Variants in TENM3 observed in about 807,000 individuals in gnomAD.
TENM3 encodes the protein teneurin-3.
In TENM3, 63 loss-of-function variants were observed where a neutral mutation model predicts 255.1. The observed-to-expected ratio is 0.25, with a 90% CI of 0.20 to 0.30. The LOEUF (loss-of-function observed/expected upper bound fraction) is 0.30. Among genes scored for constraint, TENM3 ranks in the 10% least tolerant of loss-of-function variants. The pLI is 1.00. For missense variants in TENM3, 2,929 were observed against 3,461.1 expected, an observed-to-expected ratio of 0.85 and a Z score of 3.86; for synonymous variants, 1,306 against 1,322.3, an observed-to-expected ratio of 0.99 and a Z score of 0.27.
At chr4:182,769,510 G>A (rs1290176799) in intron 22 of TENM3, among the ~76,000 whole-genome samples, 6 of 152,198 alleles carry the variant, frequency 3.9e-5, no homozygotes, top group Admixed American at 6.5e-5. Flanking sequence ...TAGGCCGGGC[G>A]TGGTGGCTCA....
chr4:182,446,863 T>C (rs1050338807), intron 3 of TENM3, among the ~76,000 whole-genome samples: 1 of 152,176 alleles, frequency 6.6e-6, no homozygotes, highest in African/African-American at 2.4e-5. Flanking sequence ...ATGGTGTTTA[T>C]TTGCAGTTAC....
At chr4:182,419,462 C>G (rs1312414812) in intron 3 of TENM3, among the ~76,000 whole-genome samples, 1 of 152,158 alleles carries the variant, frequency 6.6e-6, no homozygotes, top group Admixed American at 6.6e-5. Flanking sequence ...GTCAGTGTGG[C>G]GATTCCTCAA....
chr4:182,429,804 G>T (rs1355957283), intron 3 of TENM3, among the ~76,000 whole-genome samples: 1 of 152,278 alleles, frequency 6.6e-6, no homozygotes, highest in South Asian at 2.1e-4. Flanking sequence ...GAGATTGAAC[G>T]ATGAATAAAA....
At chr4:182,292,679 C>T (rs1222779983) in intron 1 of TENM3, among the ~76,000 whole-genome samples, 1 of 152,200 alleles carries the variant, frequency 6.6e-6, no homozygotes, top group East Asian at 1.9e-4. Flanking sequence ...AACCCTCACT[C>T]TGTGCTGGGC....
chr4:181,849,949 T>TCACA, the TENM3 span, among the ~76,000 whole-genome samples: 19 of 65,954 alleles, frequency 2.9e-4, no homozygotes, highest in African/African-American at 6.5e-4. Context: ...TCTCTCTCTC[T>TCACA]CACACACACA....
chr4:182,274,562 G>A (rs116122949), intron 1 of TENM3, among the ~76,000 whole-genome samples: 1,634 of 152,304 alleles, frequency 0.011, 25 homozygotes, highest in African/African-American at 0.035. Context: ...CATGTTCGCC[G>A]TGTTCTACCT....
the TENM3 span, among the ~76,000 whole-genome samples, chr4:181,717,581 C>A: frequency 6.6e-6 from 1 of 152,156 alleles, no homozygotes; most frequent in African/African-American, 2.4e-5. Flanking sequence ...GAATACGACA[C>A]CAGTGGAAGT....
At chr4:181,554,675 C>T in the TENM3 span, among the ~76,000 whole-genome samples, 14 of 152,182 alleles carry the variant, frequency 9.2e-5, no homozygotes, top group African/African-American at 3.1e-4. Context: ...TCTGAAAACA[C>T]TGTGCCAATG....
At chr4:182,537,185 C>A (rs932604705) in intron 3 of TENM3, among the ~76,000 whole-genome samples, 1 of 152,198 alleles carries the variant, frequency 6.6e-6, no homozygotes, top group Non-Finnish European at 1.5e-5. Context: ...CCTGTTTCAT[C>A]CTTTTTGCAT....
At chr4:181,894,494 T>C in the TENM3 span, among the ~76,000 whole-genome samples, 1 of 152,288 alleles carries the variant, frequency 6.6e-6, no homozygotes, top group South Asian at 2.1e-4. Context: ...AACCAATAAG[T>C]AAGAACTTAT....
At chr4:182,386,819 G>A (rs895780286) in intron 3 of TENM3, among the ~76,000 whole-genome samples, 2 of 152,238 alleles carry the variant, frequency 1.3e-5, no homozygotes, top group African/African-American at 4.8e-5. Flanking sequence ...AGCCCGCCAT[G>A]CCTGAGCCTT....
At chr4:181,928,880 T>A in the TENM3 span, among the ~76,000 whole-genome samples, 12 of 152,260 alleles carry the variant, frequency 7.9e-5, no homozygotes, top group African/African-American at 2.6e-4. Flanking sequence ...AATATTCAAC[T>A]TTCTTAAAGA....
At chr4:181,793,254 T>A in the TENM3 span, among the ~76,000 whole-genome samples, 1 of 152,222 alleles carries the variant, frequency 6.6e-6, no homozygotes, top group Admixed American at 6.5e-5. Context: ...ATTCCCTCCA[T>A]CTGCCTTTTC....
At chr4:182,093,679 G>C in the TENM3 span, among the ~76,000 whole-genome samples, 2 of 152,052 alleles carry the variant, frequency 1.3e-5, no homozygotes, top group African/African-American at 4.8e-5. Context: ...TCCAGTACCA[G>C]GTGAGTGCAA....
At chr4:182,001,895 T>G in the TENM3 span, among the ~76,000 whole-genome samples, 12 of 152,250 alleles carry the variant, frequency 7.9e-5, no homozygotes, top group South Asian at 1.4e-3. Context: ...TCAAGTTGAT[T>G]GGTTCAACAA....
At chr4:182,579,662 CT>C (rs1399513743) in intron 3 of TENM3, among the ~76,000 whole-genome samples, 8 of 151,910 alleles carry the variant, frequency 5.3e-5, no homozygotes, top group Non-Finnish European at 1.2e-4. Context: ...ATTACATTGG[CT>C]GTAATGGATT....
At chr4:182,540,057 G>A (rs1740705429) in intron 3 of TENM3, among the ~76,000 whole-genome samples, 1 of 152,208 alleles carries the variant, frequency 6.6e-6, no homozygotes, top group African/African-American at 2.4e-5. Flanking sequence ...TTTACTGTGG[G>A]ACACAATAAA....
chr4:181,823,438 C>T, the TENM3 span, among the ~76,000 whole-genome samples: 7 of 152,102 alleles, frequency 4.6e-5, no homozygotes, highest in Non-Finnish European at 8.8e-5. Flanking sequence ...ATCCTCCTCC[C>T]ATCCAAAAGA....
At chr4:182,152,770 T>A (rs1750431932) in intron 1 of TENM3, among the ~76,000 whole-genome samples, 2 of 151,880 alleles carry the variant, frequency 1.3e-5, no homozygotes, top group Non-Finnish European at 2.9e-5. Context: ...TTGGTTGTGA[T>A]ATAATTTTCT....
Sources: gnomAD v4.1 joint callset for allele counts (sites outside exome capture counted in the v4.1 genomes callset) on GRCh38, gnomAD v4.1.1 for gene constraint, MANE v1.5 for transcripts, NCBI Gene and HGNC (gene_info 2026-07-23, HGNC 2026-07-21) for gene names.